WDR70: variants seen among roughly 807,000 people sequenced by gnomAD.
The protein encoded by WDR70 is WD repeat-containing protein 70.
A neutral mutation model predicts 88.6 loss-of-function variants in WDR70; 53 were observed. That is an observed-to-expected ratio of 0.60 (90% CI 0.48 to 0.75). The LOEUF (loss-of-function observed/expected upper bound fraction) is 0.75, where lower values mean the gene tolerates loss of function less well. Among genes scored for constraint, WDR70 ranks in the 30% least tolerant of loss-of-function variants. The pLI is 0.00. For missense variants in WDR70, 610 were observed against 823.2 expected, an observed-to-expected ratio of 0.74 and a Z score of 3.17; for synonymous variants, 280 against 270.0, an observed-to-expected ratio of 1.04 and a Z score of -0.36.
intron 9 of WDR70, among the ~76,000 whole-genome samples, chr5:37,594,065 T>C (rs1005811246): frequency 4.6e-5 from 7 of 152,138 alleles, no homozygotes; most frequent in Non-Finnish European, 7.4e-5. Flanking sequence ...GTCAGAGGAG[T>C]AGATTGCAAA....
At chr5:37,624,212 A>G (rs1581444425) in intron 10 of WDR70, among the ~76,000 whole-genome samples, 1 of 151,668 alleles carries the variant, frequency 6.6e-6, no homozygotes, top group Non-Finnish European at 1.5e-5. Flanking sequence ...CCTTCCCTCT[A>G]CCCTTCTCAG....
intron 9 of WDR70, among the ~76,000 whole-genome samples, chr5:37,552,876 A>T (rs1367324081): frequency 6.6e-6 from 1 of 152,168 alleles, no homozygotes; most frequent in Non-Finnish European, 1.5e-5. Context: ...CAGCAATAGG[A>T]TGGAAGTGGC....
intron 10 of WDR70, among the ~76,000 whole-genome samples, chr5:37,654,849 G>A (rs191534055): frequency 1.5e-3 from 224 of 152,202 alleles, no homozygotes; most frequent in African/African-American, 5.0e-3. Context: ...GTCTTTGCAC[G>A]TGAAATGGGT....
chr5:37,702,935 C>CT lies in WDR70; in HGVS notation c.1278-7dup. ...GGTCATAAGCTTATACTCGTAAACTCTTTTTTTCTGTAGGACTGACTGCTG... is the reference window on the plus strand; with the variant it reads ...GGTCATAAGCTTATACTCGTAAACTCTTTTTTTTCTGTAGGACTGACTGCTG... On this transcript the variant is annotated splice_polypyrimidine_tract_variant and intron_variant, in intron 12 of 17. Transcript: ENST00000265107. The CT allele has an allele frequency of 3.1e-6, 5 of 1,596,580 alleles. No individual in the cohort carries two copies. The highest frequency in any genetic ancestry group is 4.3e-6 in the Non-Finnish European group (5 of 1,165,474).
At chr5:37,622,141 C>T (rs560079033) in intron 10 of WDR70, among the ~76,000 whole-genome samples, 45 of 152,076 alleles carry the variant, frequency 3.0e-4, no homozygotes, top group Admixed American at 2.8e-3. Context: ...GCCAAAACAG[C>T]GGCTCATCAT....
intron 9 of WDR70, among the ~76,000 whole-genome samples, chr5:37,559,844 T>TAA (rs199731767): frequency 9.9e-5 from 11 of 111,248 alleles, no homozygotes; most frequent in Non-Finnish European, 9.8e-5. Context: ...AAATTCAGTA[T>TAA]AAAAAAAAAA....
At chr5:37,443,939 A>G (rs1407837792) in intron 7 of WDR70, among the ~76,000 whole-genome samples, 1 of 152,098 alleles carries the variant, frequency 6.6e-6, no homozygotes, top group East Asian at 1.9e-4. Context: ...ACCTGAGGTC[A>G]GGAGTTCGAG....
intron 9 of WDR70, among the ~76,000 whole-genome samples, chr5:37,604,410 A>G (rs543970228): frequency 1.9e-4 from 29 of 152,120 alleles, no homozygotes; most frequent in Non-Finnish European, 3.5e-4. Context: ...AGCTTTTGAA[A>G]TTCTCCCTCT....
In WDR70 at chr5:37,415,781, C is replaced by T. The variant is rs1206389815; in HGVS notation, c.492+19211C>T. Among the ~76,000 whole-genome samples, 634 of 145,714 alleles carry T rather than the reference C, an allele frequency of 4.4e-3. 3 individuals carry two copies. Among genetic ancestry groups the T allele is most frequent in the Non-Finnish European group, 4.8e-3 (310 of 65,054 alleles). On this transcript the variant is annotated intron_variant, in intron 5 of 17. Coordinates refer to ENST00000265107, the MANE Select transcript of WDR70 (RefSeq NM_018034.4). ...GGGCGGCTGCCGGGCGGAGGGTCTC[C>T]TCACTTCTCAGACGGGGCGGCCGGG...
intron 10 of WDR70, among the ~76,000 whole-genome samples, chr5:37,697,275 C>G (rs1747010304): frequency 6.6e-6 from 1 of 152,070 alleles, no homozygotes. Context: ...AAATAATGTG[C>G]TCATTTGTAA....
intron 8 of WDR70, among the ~76,000 whole-genome samples, chr5:37,482,291 A>G (rs1177224299): frequency 6.6e-6 from 1 of 152,106 alleles, no homozygotes; most frequent in Non-Finnish European, 1.5e-5. Flanking sequence ...CTGTTCTCAC[A>G]CTGCAAATAA....
At chr5:37,397,115 C>A (rs989365362) in intron 5 of WDR70, among the ~76,000 whole-genome samples, 1 of 151,178 alleles carries the variant, frequency 6.6e-6, no homozygotes, top group Non-Finnish European at 1.5e-5. Context: ...CCAGCCTGGG[C>A]GACAGAGTGA....
intron 9 of WDR70, among the ~76,000 whole-genome samples, chr5:37,557,956 T>TACTCTTTTGA (rs1561900797): frequency 2.1e-5 from 3 of 145,028 alleles, no homozygotes; most frequent in Admixed American, 6.8e-5. Context: ...TTCAAAAGAG[T>TACTCTTTTGA]ATTATGTATA....
Position 37,655,102 on chromosome 5 carries a change from A to T in WDR70, c.1093-42553A>T, listed in dbSNP as rs1745514329. 2.6e-5 allele frequency among the ~76,000 whole-genome samples: 4 copies of T among 151,932 alleles called. No homozygotes were observed. In the South Asian group the frequency reaches 8.3e-4, roughly 32 times the overall value. On this transcript the variant is annotated intron_variant, in intron 10 of 17. Transcript: ENST00000265107. ...GCTGGTACTGGTTTTTCCTTTCTGT[A>T]TTTATTCTTCCTTCAGGATCTCTTG... is the stretch of plus-strand genomic sequence containing the variant.
intron 9 of WDR70, among the ~76,000 whole-genome samples, chr5:37,583,824 C>T (rs1329253807): frequency 6.6e-6 from 1 of 152,110 alleles, no homozygotes; most frequent in African/African-American, 2.4e-5. Context: ...GTAATTATCC[C>T]TAAAAGGTAC....
chr5:37,572,584 C>A (rs1359136440), intron 9 of WDR70, among the ~76,000 whole-genome samples: 1 of 152,132 alleles, frequency 6.6e-6, no homozygotes, highest in African/African-American at 2.4e-5. Context: ...CTGTCATCCA[C>A]CCCTTCCCAC....
intron 8 of WDR70, chr5:37,505,568 A>G: frequency 1.5e-6 from 1 of 663,170 alleles, no homozygotes; most frequent in Admixed American, 2.5e-5. Context: ...TAATTCTCTC[A>G]ATGTTTTTTA....
Position 37,392,266 on chromosome 5 carries a change from C to T in WDR70, c.296+146C>T, listed in dbSNP as rs148666392. On this transcript the variant is annotated intron_variant, in intron 4 of 17. Coordinates refer to ENST00000265107, the MANE Select transcript of WDR70 (RefSeq NM_018034.4). ...TGGCGTGATCTTGGCTGACTGTAACCTCCATCTCCTGGGTTCAGACGATTC... is the reference window on the plus strand; with the variant it reads ...TGGCGTGATCTTGGCTGACTGTAACTTCCATCTCCTGGGTTCAGACGATTC... 6.9e-4 allele frequency: 641 copies of T among 930,494 alleles called. 9 individuals are homozygous for T. In the East Asian group the frequency reaches 0.018, roughly 26 times the overall value. The allele number at this position is 930,494 out of a possible 1,614,324, so 57.6% of individuals were successfully genotyped here. A position where few individuals can be genotyped will look rare whatever the true frequency, so the allele number is the denominator to read the frequency against.
At chr5:37,650,401 AAAAAAG>A (rs1745369433) in intron 10 of WDR70, among the ~76,000 whole-genome samples, 1 of 152,112 alleles carries the variant, frequency 6.6e-6, no homozygotes, top group Non-Finnish European at 1.5e-5. Flanking sequence ...AGTCCGTCAA[AAAAAAG>A]AAAGAGAAAG....
Sources: gnomAD v4.1 joint callset for allele counts (sites outside exome capture counted in the v4.1 genomes callset) on GRCh38, gnomAD v4.1.1 for gene constraint, MANE v1.5 for transcripts, NCBI Gene and HGNC (gene_info 2026-07-23, HGNC 2026-07-21) for gene names.